MKLN1: variants seen among roughly 807,000 people sequenced by gnomAD.
MKLN1 encodes muskelin.
In MKLN1, 18 loss-of-function variants were observed where a neutral mutation model predicts 99.0. The ratio of observed to expected loss-of-function variants is 0.18; its 90% CI spans 0.13 to 0.27. The LOEUF (loss-of-function observed/expected upper bound fraction) is 0.27, where lower values mean the gene tolerates loss of function less well. MKLN1 is among the 10% of genes least tolerant of loss of function. MKLN1 has a pLI of 1.00. For synonymous variants in MKLN1, 288 were observed against 293.2 expected (o/e 0.98, Z 0.18); for missense variants, 621 against 875.9 (o/e 0.71, Z 3.67).
chr7:131,429,074 C>G lies in MKLN1; in HGVS notation c.889C>G (p.Leu297Val), dbSNP rs1399783085. Residue 297 changes from leucine to valine, a missense_variant, in exon 9 of 18, where the codon CTT (leucine) becomes GTT (valine). Around this residue, in one of 8 missense-constraint regions of MKLN1, gnomAD observed 361 missense variants for 540.8 expected, o/e 0.67. Transcript: ENST00000352689. ...LFGGWDGTQD[L>V]ADFWAYSVKE... is the part of the protein sequence containing the mutation. ...TGGTGGCTGGGATGGAACACAAGAT[C>G]TTGCTGACTTCTGGGCGTACAGTGT... 1.2e-6 allele frequency: 2 copies of G among 1,613,634 alleles called. No homozygotes were observed. The highest frequency in any genetic ancestry group is 1.7e-6 in the Non-Finnish European group (2 of 1,179,914).
At position 131,311,788 on chromosome 7, in the gene MKLN1, C is replaced by T. The variant is rs192748693; in HGVS notation, c.-178-63636C>T. On this transcript the variant is annotated intron_variant, in intron 3 of 7. Transcript: ENST00000416992. Reference sequence around the variant, plus strand: ...TCGGTTTTCCAAACAATCCAAAGACCTTATAAAGACGGCATGAGACCAACA... The same window carrying T: ...TCGGTTTTCCAAACAATCCAAAGACTTTATAAAGACGGCATGAGACCAACA... Among the ~76,000 whole-genome samples the T allele has an allele frequency of 5.5e-3, 839 of 151,392 alleles. 5 individuals are homozygous for T. Among genetic ancestry groups the T allele is most frequent in the Non-Finnish European group, 6.9e-3 (467 of 67,888 alleles).
rs184555572 is a variant in MKLN1 at position 131,117,800 on chromosome 7, G to C, written c.-419+7593G>C. ...AAACACACAGGGAGAGAAATGATGA[G>C]AGCCAAGAGTTATTTTAAAGAAACT... On this transcript the variant is annotated intron_variant, in intron 1 of 7. Transcript: ENST00000416992. 2.2e-3 allele frequency among the ~76,000 whole-genome samples: 337 copies of C among 152,254 alleles called. 2 individuals carry two copies. The highest frequency in any genetic ancestry group is 7.5e-3 in the African/African-American group (310 of 41,530).
intron 1 of MKLN1, among the ~76,000 whole-genome samples, chr7:131,126,200 G>A (rs1795455682): frequency 6.6e-6 from 1 of 152,096 alleles, no homozygotes; most frequent in African/African-American, 2.4e-5. Flanking sequence ...TCAAAAAGGA[G>A]GGCTCAGATC....
chr7:131,221,019 C>A (rs7796129), intron 3 of MKLN1, among the ~76,000 whole-genome samples: 57,170 of 152,060 alleles, frequency 0.38, 11,282 homozygotes, highest in African/African-American at 0.41. Context: ...CATATGAAGT[C>A]AATTTGTATA....
In MKLN1 at chr7:131,441,001, A is replaced by G. The variant is rs571379525; in HGVS notation, c.1174-2480A>G. 2.6e-5 allele frequency among the ~76,000 whole-genome samples: 4 copies of G among 152,330 alleles called. No homozygotes were observed. In the East Asian group the frequency reaches 7.7e-4, roughly 29 times the overall value. On this transcript the variant is annotated intron_variant, in intron 10 of 17. Transcript: ENST00000352689. ...ACTGGTATCAGATTTCTCTACATCTACTTTCAGTGCCAAGAGATAATAGAG... is the reference window on the plus strand; with the variant it reads ...ACTGGTATCAGATTTCTCTACATCTGCTTTCAGTGCCAAGAGATAATAGAG...
intron 16 of MKLN1, among the ~76,000 whole-genome samples, chr7:131,474,336 G>A (rs1174136363): frequency 6.6e-6 from 1 of 152,180 alleles, no homozygotes; most frequent in East Asian, 1.9e-4. Context: ...GTTCTGTGGG[G>A]AACTGGTTTG....
At chr7:131,430,867 G>A (rs141850047) in intron 9 of MKLN1, among the ~76,000 whole-genome samples, 3,941 of 152,224 alleles carry the variant, frequency 0.026, 68 homozygotes, top group Non-Finnish European at 0.042. Context: ...GGTGGAGACT[G>A]CAGTGAGCCA....
At chr7:131,161,120 A>G (rs76400926) in intron 2 of MKLN1, among the ~76,000 whole-genome samples, 8,074 of 152,198 alleles carry the variant, frequency 0.053, 374 homozygotes, top group African/African-American at 0.13. Flanking sequence ...TAAAGTAACT[A>G]AAGAGCTCAA....
intron 4 of MKLN1, among the ~76,000 whole-genome samples, chr7:131,391,232 A>T (rs1794190044): frequency 6.6e-6 from 1 of 152,176 alleles, no homozygotes; most frequent in South Asian, 2.1e-4. Flanking sequence ...TATTTCATTT[A>T]GGTAAATCGT....
At chr7:131,393,149 T>G (rs908059856) in intron 4 of MKLN1, among the ~76,000 whole-genome samples, 2 of 152,208 alleles carry the variant, frequency 1.3e-5, no homozygotes, top group Admixed American at 6.5e-5. Flanking sequence ...TATATTCATG[T>G]CTGATTGTCC....
At chr7:131,247,092 GTTGT>G (rs939556557) in intron 3 of MKLN1, among the ~76,000 whole-genome samples, 1 of 152,082 alleles carries the variant, frequency 6.6e-6, no homozygotes, top group Non-Finnish European at 1.5e-5. Context: ...GTTTTGTTCT[GTTGT>G]TTATTTTGGT....
chr7:131,331,380 A>C (rs909340736), intron 1 of MKLN1, among the ~76,000 whole-genome samples: 2 of 152,176 alleles, frequency 1.3e-5, no homozygotes, highest in Admixed American at 1.3e-4. Context: ...GTGTTCTTTG[A>C]TATAATAGTC....
chr7:131,259,438 T>A (rs1444031678), intron 3 of MKLN1, among the ~76,000 whole-genome samples: 1 of 152,212 alleles, frequency 6.6e-6, no homozygotes, highest in Admixed American at 6.5e-5. Flanking sequence ...CTTTTCCTTT[T>A]TATTTTTCTG....
chr7:131,309,721 A>ATTTTTTGTTTTTTTTTT (rs1798528746), intron 3 of MKLN1: 1 of 87,544 alleles, frequency 1.1e-5, no homozygotes. Flanking sequence ...CCACAAGTGG[A>ATTTTTTGTTTTTTTTTT]TTTTTTTTTT....
chr7:131,456,218 T>C (rs1173649875), intron 12 of MKLN1, among the ~76,000 whole-genome samples: 2 of 152,180 alleles, frequency 1.3e-5, no homozygotes, highest in African/African-American at 4.8e-5. Context: ...AATGCCGTTT[T>C]TATTTAACCA....
chr7:131,350,288 TG>T (rs1157981739), intron 1 of MKLN1, among the ~76,000 whole-genome samples: 2 of 151,880 alleles, frequency 1.3e-5, no homozygotes, highest in Admixed American at 1.3e-4. Context: ...CTCAAACTCC[TG>T]GGCTCAAGCA....
At chr7:131,355,734 C>T (rs967021554) in intron 1 of MKLN1, among the ~76,000 whole-genome samples, 1 of 149,566 alleles carries the variant, frequency 6.7e-6, no homozygotes, top group African/African-American at 2.5e-5. Flanking sequence ...GATCATAGCT[C>T]ACTGGAACCT....
chr7:131,306,406 C>T (rs1798469206), intron 3 of MKLN1, among the ~76,000 whole-genome samples: 1 of 152,200 alleles, frequency 6.6e-6, no homozygotes, highest in African/African-American at 2.4e-5. Context: ...AAATTTGGAA[C>T]TTCTGAGAGA....
Position 131,271,534 on chromosome 7 carries a change from G to A in MKLN1, c.-179+68560G>A, listed in dbSNP as rs561696826. Among the ~76,000 whole-genome samples the A allele has an allele frequency of 1.6e-4, 24 of 150,212 alleles. 1 individual carries two copies. Among genetic ancestry groups the A allele is most frequent in the African/African-American group, 4.4e-4 (18 of 40,804 alleles). On this transcript the variant is annotated intron_variant, in intron 3 of 7. Transcript: ENST00000416992. ...CGGGAGGCTGAGGCAGGAGAATGGC[G>A]TGAACCCGGGAGGCGGAGCTTGCAG...
Sources: gnomAD v4.1 joint callset for allele counts (sites outside exome capture counted in the v4.1 genomes callset) on GRCh38, gnomAD v4.1.1 for gene constraint, gnomAD v4.1.1 regional missense constraint, MANE v1.5 for transcripts, NCBI Gene and HGNC (gene_info 2026-07-23, HGNC 2026-07-21) for gene names.